Variants in NRXN3 observed in about 807,000 individuals in gnomAD.
NRXN3 encodes the protein neurexin III.
NRXN3 carries 32 observed loss-of-function variants against 137.6 expected under a neutral mutation model. The ratio of observed to expected loss-of-function variants is 0.23; its 90% confidence interval spans 0.18 to 0.31. The LOEUF is 0.31. NRXN3 is among the 10% of genes least tolerant of loss of function. The pLI, the probability that NRXN3 is intolerant of heterozygous loss-of-function variation, is 1.00. For synonymous variants in NRXN3, 798 were observed against 784.5 expected (o/e 1.02, Z -0.29); for missense variants, 1,574 against 2,062.5 (o/e 0.76, Z 4.59).
chr14:79,404,284 A>G (rs1219903117), intron 15 of NRXN3, among the ~76,000 whole-genome samples: 2 of 152,212 alleles, frequency 1.3e-5, no homozygotes, highest in Non-Finnish European at 1.5e-5. Context: ...GTTTATTTAC[A>G]ATAATAATTC....
intron 15 of NRXN3, among the ~76,000 whole-genome samples, chr14:79,334,089 C>G (rs1293231649): frequency 5.3e-5 from 8 of 152,204 alleles, no homozygotes; most frequent in African/African-American, 1.9e-4. Context: ...TACTGAATGC[C>G]TACTATGTCC....
chr14:79,439,137 C>T (rs1555449168), intron 15 of NRXN3, among the ~76,000 whole-genome samples: 1 of 152,216 alleles, frequency 6.6e-6, no homozygotes, highest in Non-Finnish European at 1.5e-5. Flanking sequence ...TGCATGCCAC[C>T]CACCAAAGAG....
intron 19 of NRXN3, among the ~76,000 whole-genome samples, chr14:79,793,157 C>A (rs954610288): frequency 7.9e-5 from 12 of 152,098 alleles, no homozygotes; most frequent in Non-Finnish European, 1.5e-4. Context: ...GTCGGCCGGG[C>A]GCGGTGGCTC....
intron 10 of NRXN3, among the ~76,000 whole-genome samples, chr14:78,841,095 C>T (rs1596387604): frequency 6.6e-6 from 1 of 152,204 alleles, no homozygotes; most frequent in East Asian, 1.9e-4. Context: ...CCACTTACTC[C>T]TAATTTAAGA....
At chr14:79,467,471 G>T (rs975536438) in intron 16 of NRXN3, 69 bp downstream of exon 16, 3 of 1,380,770 alleles carry the variant, frequency 2.2e-6, no homozygotes, top group African/African-American at 2.9e-5. Flanking sequence ...TCAGGTAGAC[G>T]CAGCAGAACA....
intron 16 of NRXN3, among the ~76,000 whole-genome samples, chr14:79,557,385 C>T (rs1251854667): frequency 6.6e-6 from 1 of 152,104 alleles, no homozygotes; most frequent in Non-Finnish European, 1.5e-5. Context: ...GAAAACCCAT[C>T]AACATCCATG....
chr14:78,961,572 C>T (rs970892181), intron 11 of NRXN3, among the ~76,000 whole-genome samples: 5 of 152,260 alleles, frequency 3.3e-5, no homozygotes, highest in African/African-American at 9.6e-5. Flanking sequence ...TTAGTAATAG[C>T]GCACGGTTTA....
At chr14:78,839,046 A>G (rs1245782812) in intron 10 of NRXN3, among the ~76,000 whole-genome samples, 1 of 152,140 alleles carries the variant, frequency 6.6e-6, no homozygotes, top group African/African-American at 2.4e-5. Context: ...CTTCCCTCAT[A>G]TAGCTTAATT....
intron 15 of NRXN3, among the ~76,000 whole-genome samples, chr14:79,136,198 C>G (rs2058206246): frequency 6.6e-6 from 1 of 152,086 alleles, no homozygotes; most frequent in East Asian, 1.9e-4. Flanking sequence ...TGTCAGTGGC[C>G]TCTATGATAC....
chr14:78,379,072 A>G (rs2088515865), intron 4 of NRXN3, among the ~76,000 whole-genome samples: 1 of 152,118 alleles, frequency 6.6e-6, no homozygotes, highest in African/African-American at 2.4e-5. Flanking sequence ...ACTTGGTAAT[A>G]TAAAATAGAT....
At chr14:79,269,932 A>G (rs1320674053) in intron 15 of NRXN3, among the ~76,000 whole-genome samples, 1 of 152,238 alleles carries the variant, frequency 6.6e-6, no homozygotes, top group Non-Finnish European at 1.5e-5. Flanking sequence ...TTCATTTTAC[A>G]GAAGTTTAAG....
chr14:78,278,616 T>C, intron 2 of NRXN3, 29 bp from the exon 3 acceptor site: 2 of 1,528,900 alleles, frequency 1.3e-6, no homozygotes, highest in Non-Finnish European at 1.8e-6. Context: ...CCTCTCTCCC[T>C]TTCCCTCCCT....
intron 4 of NRXN3, among the ~76,000 whole-genome samples, chr14:78,490,861 AT>A (rs2095653474): frequency 6.6e-6 from 1 of 152,198 alleles, no homozygotes; most frequent in African/African-American, 2.4e-5. Flanking sequence ...CGGGGTAATA[AT>A]TTTTACCTGC....
chr14:79,498,114 G>A (rs911328978), intron 16 of NRXN3, among the ~76,000 whole-genome samples: 10 of 152,022 alleles, frequency 6.6e-5, no homozygotes, highest in South Asian at 4.2e-4. Context: ...TCTGAGCGTC[G>A]GAATTATACT....
At chr14:78,858,400 G>A (rs2099063304) in intron 10 of NRXN3, among the ~76,000 whole-genome samples, 1 of 152,122 alleles carries the variant, frequency 6.6e-6, no homozygotes, top group Non-Finnish European at 1.5e-5. Flanking sequence ...GTAATGTGTG[G>A]ATTTTTAGCC....
intron 4 of NRXN3, among the ~76,000 whole-genome samples, chr14:78,519,917 C>A (rs977971240): frequency 6.6e-6 from 1 of 152,120 alleles, no homozygotes; most frequent in South Asian, 2.1e-4. Context: ...TATTTATACC[C>A]TAATACTAGG....
intron 17 of NRXN3, among the ~76,000 whole-genome samples, chr14:79,688,508 G>A (rs963509052): frequency 2.0e-5 from 3 of 152,124 alleles, no homozygotes; most frequent in African/African-American, 7.2e-5. Context: ...TTTTTCACTT[G>A]AAATAATTGT....
chr14:79,583,086 A>G (rs1022881803), intron 16 of NRXN3, among the ~76,000 whole-genome samples: 1 of 152,228 alleles, frequency 6.6e-6, no homozygotes, highest in Non-Finnish European at 1.5e-5. Flanking sequence ...AAAACACAAA[A>G]ACAGTCTAAA....
intron 16 of NRXN3, among the ~76,000 whole-genome samples, chr14:79,481,538 G>A (rs769981839): frequency 4.6e-5 from 7 of 152,188 alleles, no homozygotes; most frequent in Non-Finnish European, 1.0e-4. Context: ...CAATTGTAAT[G>A]CAGTGGTATG....
Sources: gnomAD v4.1 joint callset for allele counts (sites outside exome capture counted in the v4.1 genomes callset) on GRCh38, gnomAD v4.1.1 for gene constraint, MANE v1.5 for transcripts, NCBI Gene and HGNC (gene_info 2026-07-23, HGNC 2026-07-21) for gene names.